Variants in TMCO4 observed in about 807,000 individuals in gnomAD.
The protein encoded by TMCO4 is transmembrane and coiled-coil domains 4, also known as transmembrane and coiled-coil domain-containing protein 4.
TMCO4 carries 58 observed loss-of-function variants against 64.7 expected under a neutral mutation model. The observed-to-expected ratio is 0.90, with a 90% CI of 0.73 to 1.12. The LOEUF is 1.12. TMCO4 is among the 50% of genes most tolerant of loss of function. TMCO4 has a pLI of 0.00. For missense variants in TMCO4, 780 were observed against 825.9 expected, an observed-to-expected ratio of 0.94 and a Z score of 0.68; for synonymous variants, 325 against 346.1, an observed-to-expected ratio of 0.94 and a Z score of 0.68.
At chr1:19,785,356 G>GT (rs1200296908) in intron 3 of TMCO4, among the ~76,000 whole-genome samples, 1 of 152,136 alleles carries the variant, frequency 6.6e-6, no homozygotes, top group Non-Finnish European at 1.5e-5. Flanking sequence ...CTAAAATAAT[G>GT]TTTTTTTGTT....
intron 6 of TMCO4, among the ~76,000 whole-genome samples, chr1:19,765,013 G>A (rs1221637830): frequency 1.3e-5 from 2 of 152,126 alleles, no homozygotes; most frequent in African/African-American, 2.4e-5. Flanking sequence ...GCAGAGCCAC[G>A]TCTGCGGTAG....
Position 19,731,996 on chromosome 1 carries a change from C to T in TMCO4, c.1264+5376G>A, listed in dbSNP as rs141679395. Among the ~76,000 whole-genome samples the T allele has an allele frequency of 1.3e-3, 199 of 152,290 alleles. 3 individuals carry two copies. The highest frequency in any genetic ancestry group is 9.3e-4 in the Non-Finnish European group (63 of 68,032). On this transcript the variant is annotated intron_variant, in intron 13 of 15. Coordinates refer to ENST00000294543, the MANE Select transcript of TMCO4 (RefSeq NM_181719.7). ...GAGATCTTGCATCAGAGAGATCTCC[C>T]GTCCAGCTGGAGCTGCTGTGAAGGC...
intron 10 of TMCO4, among the ~76,000 whole-genome samples, chr1:19,744,122 G>A (rs2041656182): frequency 6.6e-6 from 1 of 152,162 alleles, no homozygotes; most frequent in Admixed American, 6.5e-5. Context: ...AACCCAGGAG[G>A]CTCTGGGCAG....
chr1:19,742,380 G>GT (rs1269434476), intron 10 of TMCO4, among the ~76,000 whole-genome samples: 1 of 152,200 alleles, frequency 6.6e-6, no homozygotes, highest in African/African-American at 2.4e-5. Flanking sequence ...GAATGGAGGG[G>GT]TGGAGACAGC....
At position 19,755,637 on chromosome 1, in the gene TMCO4, G is replaced by T; in HGVS notation, c.512C>A (p.Ser171Tyr). ...GGGGGTCGCGGGGCTCTCTTACTCA[G>T]ATTCCTCTTCTTTGATTTCCTTCAG... ...ESLKEIKEEE[S>Y]EMAEASRKKK... The change falls in exon 7 of 16, where the codon TCT (serine) becomes TAT (tyrosine). Residue 171 changes from serine to tyrosine, a missense_variant. Coordinates refer to ENST00000294543, the MANE Select transcript of TMCO4 (RefSeq NM_181719.7). 6.2e-7 allele frequency: 1 copy of T among 1,613,974 alleles called. No individual in the cohort carries two copies. The highest frequency in any genetic ancestry group is 1.1e-5 in the South Asian group (1 of 91,064).
intron 13 of TMCO4, among the ~76,000 whole-genome samples, chr1:19,731,967 C>T (rs1418026430): frequency 6.6e-6 from 1 of 152,192 alleles, no homozygotes; most frequent in Non-Finnish European, 1.5e-5. Context: ...ATATAAATGG[C>T]TTTGAGATCT....
chr1:19,727,632 G>A (rs151319351), intron 13 of TMCO4, among the ~76,000 whole-genome samples: 83 of 152,250 alleles, frequency 5.5e-4, no homozygotes, highest in Non-Finnish European at 9.7e-4. Flanking sequence ...ACCAGGAGGG[G>A]CTGAAATATT....
intron 2 of TMCO4, among the ~76,000 whole-genome samples, chr1:19,790,449 A>T (rs954252711): frequency 1.3e-5 from 2 of 152,220 alleles, no homozygotes; most frequent in African/African-American, 4.8e-5. Flanking sequence ...AAGGAACTTA[A>T]GCAAATTTAC....
At chr1:19,796,004 G>A (rs1011611942) in intron 2 of TMCO4, among the ~76,000 whole-genome samples, 3 of 152,138 alleles carry the variant, frequency 2.0e-5, no homozygotes, top group African/African-American at 7.2e-5. Flanking sequence ...ATACCACCTC[G>A]GGCCTCAGCT....
At chr1:19,766,846 T>TC (rs2042755959) in intron 6 of TMCO4, among the ~76,000 whole-genome samples, 2 of 152,110 alleles carry the variant, frequency 1.3e-5, no homozygotes, top group South Asian at 4.2e-4. Flanking sequence ...AGCAAACCAC[T>TC]TCCCCCTCTA....
At position 19,701,589 on chromosome 1, in the gene TMCO4, C is replaced by T. The variant is rs555678246; in HGVS notation, c.1265-704G>A. On this transcript the variant is annotated intron_variant, in intron 13 of 15. Coordinates refer to ENST00000294543, the MANE Select transcript of TMCO4 (RefSeq NM_181719.7). Reference sequence around the variant, plus strand: ...GTCTCTCTCCACCACCCACAAAGCTCACACCAGCCGTGGACTATGGATGGA... The same window carrying T: ...GTCTCTCTCCACCACCCACAAAGCTTACACCAGCCGTGGACTATGGATGGA... Among the ~76,000 whole-genome samples, 27 of 152,294 alleles carry T rather than the reference C, an allele frequency of 1.8e-4. 1 individual carries two copies. In the East Asian group the frequency reaches 4.4e-3, roughly 25 times the overall value.
At chr1:19,749,063 C>T (rs1488824882) in intron 7 of TMCO4, among the ~76,000 whole-genome samples, 1 of 152,156 alleles carries the variant, frequency 6.6e-6, no homozygotes, top group South Asian at 2.1e-4. Context: ...ACTGGTTTTC[C>T]ACAACTGAAA....
intron 4 of TMCO4, among the ~76,000 whole-genome samples, chr1:19,777,026 C>CA (rs59722797): frequency 0.01 from 862 of 82,284 alleles, 4 homozygotes; most frequent in Middle Eastern, 0.014. Flanking sequence ...GACACTGTCT[C>CA]AAAAAAAAAA....
At chr1:19,764,678 C>T (rs2042651440) in intron 6 of TMCO4, among the ~76,000 whole-genome samples, 1 of 152,052 alleles carries the variant, frequency 6.6e-6, no homozygotes, top group African/African-American at 2.4e-5. Flanking sequence ...CATGGAGAAA[C>T]CCTGTCTCTA....
In TMCO4 at chr1:19,720,519, C is replaced by T. The variant is rs115512288; in HGVS notation, c.1264+16853G>A. On this transcript the variant is annotated intron_variant, in intron 13 of 15. Coordinates refer to ENST00000294543, the MANE Select transcript of TMCO4 (RefSeq NM_181719.7). ...TCCCAATGGACTTAGAGCTCCTGTT[C>T]CTATTTGTTTTTCTCTGGGTCCTAA... Among the ~76,000 whole-genome samples the T allele has an allele frequency of 5.9e-3, 902 of 152,168 alleles. 15 individuals are homozygous for T. The highest frequency in any genetic ancestry group is 0.021 in the African/African-American group (856 of 41,508).
At chr1:19,783,995 G>A (rs1244211411) in intron 3 of TMCO4, among the ~76,000 whole-genome samples, 1 of 152,194 alleles carries the variant, frequency 6.6e-6, no homozygotes, top group East Asian at 1.9e-4. Flanking sequence ...AGTGCCAAGG[G>A]CAGCACTAGC....
intron 6 of TMCO4, among the ~76,000 whole-genome samples, chr1:19,765,357 A>G (rs554114823): frequency 1.7e-3 from 255 of 152,332 alleles, no homozygotes; most frequent in African/African-American, 5.8e-3. Context: ...AGCAACTAGA[A>G]GAACTTAGGA....
intron 6 of TMCO4, among the ~76,000 whole-genome samples, chr1:19,766,975 C>T (rs1489240363): frequency 6.6e-6 from 1 of 152,154 alleles, no homozygotes; most frequent in East Asian, 1.9e-4. Context: ...CCCAGTGTGC[C>T]ACTGAAGCTG....
chr1:19,780,763 A>C lies in TMCO4; in HGVS notation c.-5T>G, dbSNP rs1243079776. ...TGGCCTGTTCCACATGGCCATTCCC[A>C]GCGCTGCAGGAGAAAATTCCCAGTG... On this transcript the variant is annotated 5_prime_UTR_variant, in exon 4 of 16. Transcript: ENST00000294543. The C allele has an allele frequency of 1.3e-6, 2 of 1,561,636 alleles. No homozygotes were observed. Among genetic ancestry groups the C allele is most frequent in the South Asian group, 1.2e-5 (1 of 84,380 alleles).
Sources: allele counts gnomAD v4.1 joint callset (sites outside exome capture counted in the v4.1 genomes callset), GRCh38; gene constraint gnomAD v4.1.1; transcripts MANE v1.5; gene names NCBI Gene and HGNC (gene_info 2026-07-23, HGNC 2026-07-21).